Variants in C2CD3 observed in about 807,000 individuals in gnomAD.
C2CD3 encodes C2 domain containing 3 centriole elongation regulator, also known as C2 domain-containing protein 3.
C2CD3 carries 148 observed loss-of-function variants against 234.0 expected under a neutral mutation model. That is an observed-to-expected ratio of 0.63 (90% CI 0.55 to 0.72). The LOEUF (loss-of-function observed/expected upper bound fraction) is 0.72. Ranked by LOEUF, C2CD3 falls within the 30% of genes least tolerant of loss-of-function variation. The pLI is 0.00. For synonymous variants in C2CD3, 1,000 were observed against 1,035.4 expected, an observed-to-expected ratio of 0.97 and a Z score of 0.66; for missense variants, 2,577 against 2,811.5, an observed-to-expected ratio of 0.92 and a Z score of 1.89.
chr11:74,077,560 A>G (rs985844717), intron 23 of C2CD3, among the ~76,000 whole-genome samples: 1 of 151,444 alleles, frequency 6.6e-6, no homozygotes, highest in Admixed American at 6.6e-5. Flanking sequence ...GTTCTCACTC[A>G]TAAGTGGGAG....
At chr11:74,049,720 T>C (rs944467424) in intron 26 of C2CD3, among the ~76,000 whole-genome samples, 178 bp from the exon 27 acceptor site, 5 of 152,130 alleles carry the variant, frequency 3.3e-5, no homozygotes, top group African/African-American at 1.2e-4. Context: ...CCTTCCCTGT[T>C]AGGAATTCCC....
intron 7 of C2CD3, among the ~76,000 whole-genome samples, chr11:74,124,779 C>T: frequency 6.6e-6 from 1 of 152,130 alleles, no homozygotes; most frequent in East Asian, 1.9e-4. Flanking sequence ...ATATACACTC[C>T]CCTTTGTATA....
chr11:74,067,742 C>T (rs1279777238), intron 24 of C2CD3, among the ~76,000 whole-genome samples: 1 of 152,054 alleles, frequency 6.6e-6, no homozygotes, highest in African/African-American at 2.4e-5. Flanking sequence ...GCTGAGCATC[C>T]ACCCCCACCT....
At chr11:74,066,721 T>C (rs1172417607) in intron 24 of C2CD3, among the ~76,000 whole-genome samples, 2 of 152,070 alleles carry the variant, frequency 1.3e-5, no homozygotes, top group Non-Finnish European at 2.9e-5. Flanking sequence ...ACATGCATCA[T>C]AGTCAATCTG....
chr11:74,061,188 T>C (rs555187528), intron 24 of C2CD3, among the ~76,000 whole-genome samples: 33 of 152,322 alleles, frequency 2.2e-4, no homozygotes, highest in Non-Finnish European at 4.3e-4. Context: ...TGGAACCAAG[T>C]TGGAAAACAC....
chr11:74,138,993 C>T, intron 4 of C2CD3, 26 bp from the exon 5 acceptor site: 4 of 1,575,826 alleles, frequency 2.5e-6, no homozygotes, highest in Non-Finnish European at 3.5e-6. Context: ...GGGAGAACAT[C>T]AGCAATATAT....
At chr11:74,098,812 A>G (rs968288882) in intron 15 of C2CD3, among the ~76,000 whole-genome samples, 1 of 152,228 alleles carries the variant, frequency 6.6e-6, no homozygotes, top group Non-Finnish European at 1.5e-5. Flanking sequence ...TTAAGTTGGG[A>G]TTCAAGCTCT....
intron 2 of C2CD3, among the ~76,000 whole-genome samples, chr11:74,164,539 C>G (rs1043295493): frequency 9.9e-5 from 15 of 152,266 alleles, no homozygotes; most frequent in African/African-American, 3.6e-4. Flanking sequence ...CTTTGAACCT[C>G]AAATTCGTCA....
chr11:74,121,309 G>C (rs1328086184), intron 8 of C2CD3, among the ~76,000 whole-genome samples: 3 of 152,024 alleles, frequency 2.0e-5, no homozygotes, highest in African/African-American at 7.2e-5. Context: ...GCTGGTAAAA[G>C]AATTAAATAA....
At chr11:74,132,805 A>G in intron 7 of C2CD3, 39 bp downstream of exon 7, 2 of 1,596,470 alleles carry the variant, frequency 1.3e-6, no homozygotes, top group African/African-American at 2.7e-5. Flanking sequence ...GAATTGGAGG[A>G]AGAGTTTAAA....
At chr11:74,084,805 G>C (rs1323635739) in intron 22 of C2CD3, 76 bp downstream of exon 22, 2 of 869,704 alleles carry the variant, frequency 2.3e-6, no homozygotes, top group Non-Finnish European at 3.9e-6. Context: ...TTACATGAGA[G>C]ACAGAGAAGA....
At chr11:74,094,186 C>T (rs567667595) in intron 17 of C2CD3, among the ~76,000 whole-genome samples, 187 bp from the exon 18 acceptor site, 12 of 149,404 alleles carry the variant, frequency 8.0e-5, no homozygotes, top group African/African-American at 2.7e-4. Flanking sequence ...ATACAAGTGC[C>T]AACACTTGTT....
At chr11:74,117,000 A>ATGTATATATACACATATATACGTGTATG (rs1956989395) in intron 9 of C2CD3, among the ~76,000 whole-genome samples, 2 of 114,212 alleles carry the variant, frequency 1.8e-5, no homozygotes, top group Non-Finnish European at 3.4e-5. Context: ...ATACGTGTAT[A>ATGTATATATACACATATATACGTGTATG]TGTATATATA....
intron 32 of C2CD3, among the ~76,000 whole-genome samples, chr11:74,021,376 C>T (rs1335674577): frequency 6.6e-6 from 1 of 152,184 alleles, no homozygotes; most frequent in Non-Finnish European, 1.5e-5. Context: ...CAATTTTGGA[C>T]ATGTTAAATT....
At chr11:74,111,267 T>C (rs1342333389) in intron 11 of C2CD3, among the ~76,000 whole-genome samples, 6 of 152,124 alleles carry the variant, frequency 3.9e-5, no homozygotes, top group Non-Finnish European at 5.9e-5. Context: ...TGCAGAACCA[T>C]GTACAGGTTG....
intron 32 of C2CD3, chr11:74,016,712 G>A (rs1475182479): frequency 6.6e-6 from 1 of 152,284 alleles, no homozygotes; most frequent in Non-Finnish European, 1.5e-5. Context: ...CCCTGGTGGG[G>A]TTGGCCAGAG....
intron 32 of C2CD3, among the ~76,000 whole-genome samples, chr11:74,014,613 A>G (rs1013236145): frequency 6.6e-6 from 1 of 152,216 alleles, no homozygotes; most frequent in African/African-American, 2.4e-5. Context: ...CATGTCTTCA[A>G]TCTTTTTTAA....
In C2CD3 at chr11:74,123,285, A is replaced by G. The variant is rs186224491; in HGVS notation, c.1218-150T>C. 6.5e-4 allele frequency: 401 copies of G among 617,658 alleles called. 2 individuals are homozygous for G. In the East Asian group the frequency reaches 9.9e-3, roughly 15 times the overall value. 38.3% of individuals were successfully genotyped at this position (617,658 alleles called of 1,614,324 possible). A position where few individuals can be genotyped will look rare whatever the true frequency, so the allele number is the denominator to read the frequency against. ...TTAAACAAAAGACTACTGAATAAATATTTCCCAATTATACTACCCCTCCTC... is the reference window on the plus strand; with the variant it reads ...TTAAACAAAAGACTACTGAATAAATGTTTCCCAATTATACTACCCCTCCTC... On this transcript the variant is annotated intron_variant, in intron 7 of 32. Coordinates refer to ENST00000334126, the MANE Select transcript of C2CD3 (RefSeq NM_001286577.2).
chr11:74,034,492 T>C lies in C2CD3; in HGVS notation c.5882-214A>G, dbSNP rs188799580. 19 of 1,587,006 alleles carry C rather than the reference T, an allele frequency of 1.2e-5. No homozygotes were observed. The East Asian group carries it at 1.8e-4, about 15-fold the overall frequency. ...TATCAGAGGACCAGAATCTAATCTATAGTTGTGGATACATCTGTGGAAATG... is the reference window on the plus strand; with the variant it reads ...TATCAGAGGACCAGAATCTAATCTACAGTTGTGGATACATCTGTGGAAATG... On this transcript the variant is annotated intron_variant, in intron 30 of 32. Transcript: ENST00000334126.
Sources: gnomAD v4.1 joint callset for allele counts (sites outside exome capture counted in the v4.1 genomes callset) on GRCh38, gnomAD v4.1.1 for gene constraint, MANE v1.5 for transcripts, NCBI Gene and HGNC (gene_info 2026-07-23, HGNC 2026-07-21) for gene names.